Variants in KATNAL2 observed in about 807,000 individuals in gnomAD.
The protein encoded by KATNAL2 is katanin catalytic subunit A1 like 2.
KATNAL2 carries 52 observed loss-of-function variants against 76.3 expected under a neutral mutation model. The observed-to-expected ratio is 0.68, with a 90% CI of 0.55 to 0.86. The LOEUF is 0.86. Ranked by LOEUF, KATNAL2 falls within the 40% of genes least tolerant of loss-of-function variation. The pLI is 0.00. For synonymous variants in KATNAL2, 243 were observed against 244.2 expected (o/e 1.00, Z 0.05); for missense variants, 660 against 668.9 (o/e 0.99, Z 0.15).
intron 3 of KATNAL2, among the ~76,000 whole-genome samples, chr18:46,961,650 C>T (rs1396437053): frequency 6.6e-6 from 1 of 152,188 alleles, no homozygotes; most frequent in East Asian, 1.9e-4. Context: ...TATGTGCCAA[C>T]GTTGTCACAT....
chr18:47,058,091 A>G (rs1215471530), intron 6 of KATNAL2, 144 bp from the exon 7 acceptor site: 1 of 629,384 alleles, frequency 1.6e-6, no homozygotes, highest in African/African-American at 1.8e-5. Flanking sequence ...TGGGTGGATC[A>G]CATAGGTGGA....
At position 47,045,361 on chromosome 18, in the gene KATNAL2, TG is replaced by T. The variant is rs551620513; in HGVS notation, c.52-1095del. On this transcript the variant is annotated intron_variant, in intron 3 of 17. Transcript: ENST00000683218. ...TTTTTTTTGAGACAGAGTCTTACTC[TG>T]TCACCCAGCTTGGAGTGCAGTGGCA... Among the ~76,000 whole-genome samples the T allele has an allele frequency of 1.0e-3, 157 of 151,264 alleles. 2 individuals carry two copies. Among genetic ancestry groups the T allele is most frequent in the African/African-American group, 3.8e-3 (154 of 40,942 alleles).
chr18:46,951,351 C>A (rs2059547324), intron 3 of KATNAL2, among the ~76,000 whole-genome samples: 1 of 151,374 alleles, frequency 6.6e-6, no homozygotes, highest in South Asian at 2.1e-4. Context: ...CCTAGACTTT[C>A]CAACAGAACT....
At chr18:47,046,345 T>C in intron 3 of KATNAL2, 112 bp from the exon 4 acceptor site, 1 of 717,226 alleles carries the variant, frequency 1.4e-6, no homozygotes, top group Non-Finnish European at 2.4e-6. Context: ...CTTTCCAGCC[T>C]TTAAGTCATG....
intron 3 of KATNAL2, among the ~76,000 whole-genome samples, chr18:47,043,046 T>G (rs2061016310): frequency 6.6e-6 from 1 of 151,732 alleles, no homozygotes; most frequent in Admixed American, 6.6e-5. Flanking sequence ...GCTAATACGG[T>G]GAAACCCCGT....
intron 3 of KATNAL2, chr18:47,034,380 A>G (rs1458932551): frequency 1.9e-6 from 3 of 1,614,052 alleles, no homozygotes; most frequent in Non-Finnish European, 2.5e-6. Context: ...CCTCCAAGGC[A>G]GGGACACGCT....
chr18:47,084,726 G>C (rs1187927828), intron 15 of KATNAL2, among the ~76,000 whole-genome samples: 1 of 151,722 alleles, frequency 6.6e-6, no homozygotes, highest in Non-Finnish European at 1.5e-5. Flanking sequence ...GCACGTGCTT[G>C]TAGTCCCAGC....
In KATNAL2 at chr18:47,096,367, A is replaced by C. The variant is rs548378460; in HGVS notation, c.1212-2876A>C. ...ATATTTAAAATTTTATTTTTTAAAAAATTTATTTCTGTCACTCAGGCTGGA... is the reference window on the plus strand; with the variant it reads ...ATATTTAAAATTTTATTTTTTAAAACATTTATTTCTGTCACTCAGGCTGGA... On this transcript the variant is annotated intron_variant, in intron 15 of 17. Transcript: ENST00000683218. Among the ~76,000 whole-genome samples, 265 of 152,230 alleles carry C rather than the reference A, an allele frequency of 1.7e-3. 1 individual carries two copies. Among genetic ancestry groups the C allele is most frequent in the African/African-American group, 6.2e-3 (258 of 41,526 alleles).
rs371863179 is a variant in KATNAL2 at position 46,917,625 on chromosome 18, C to T, written c.-811C>T. The T allele has an allele frequency of 4.1e-4, 370 of 911,522 alleles. 10 individuals carry two copies. In the East Asian group the frequency reaches 0.033, roughly 81 times the overall value. The allele number at this position is 911,522 out of a possible 1,614,324, so 56.5% of individuals were successfully genotyped here. A position where few individuals can be genotyped will look rare whatever the true frequency, so the allele number is the denominator to read the frequency against. On this transcript the variant is annotated 5_prime_UTR_variant, in exon 1 of 18. Transcript: ENST00000683218. The stretch of plus-strand genomic sequence containing the variant: ...TCAGTCCGCGCGGCGACAGCGCCCG[C>T]CCGCGCCTGCCCCGGCGTGCTGCCC...
At chr18:47,037,810 C>T (rs998819) in intron 3 of KATNAL2, among the ~76,000 whole-genome samples, 72,514 of 151,744 alleles carry the variant, frequency 0.48, 17,535 homozygotes, top group East Asian at 0.65. Context: ...CTGGTCACCA[C>T]AAGTAAAAGC....
chr18:46,952,264 G>A (rs1459897872), intron 3 of KATNAL2, among the ~76,000 whole-genome samples: 2 of 151,960 alleles, frequency 1.3e-5, no homozygotes, highest in Admixed American at 1.3e-4. Context: ...TGTAGAGACA[G>A]GGATCTCACT....
chr18:46,933,839 T>C (rs1236523689), intron 1 of KATNAL2, among the ~76,000 whole-genome samples: 2 of 138,354 alleles, frequency 1.4e-5, no homozygotes, highest in East Asian at 4.6e-4. Flanking sequence ...GATGTTCCCC[T>C]TCCTGTGTCC....
In KATNAL2 at chr18:46,946,365, A is replaced by G; in HGVS notation, c.-201A>G. 1 of 1,027,234 alleles carries G rather than the reference A, an allele frequency of 9.7e-7. No individual in the cohort carries two copies. Among genetic ancestry groups the G allele is most frequent in the East Asian group, 9.8e-5 (1 of 10,256 alleles). The allele number at this position is 1,027,234 out of a possible 1,614,324, so 63.6% of individuals were successfully genotyped here. A position where few individuals can be genotyped will look rare whatever the true frequency, so the allele number is the denominator to read the frequency against. ...GGCTCTTGACAACCAAAGTGTCCAC[A>G]GCAGATTCGTCCAGTCTAGATAGAC... On this transcript the variant is annotated 5_prime_UTR_variant, in exon 2 of 18. Coordinates refer to ENST00000683218, the MANE Select transcript of KATNAL2 (RefSeq NM_001387690.1).
intron 1 of KATNAL2, chr18:46,919,987 T>C: frequency 9.7e-7 from 1 of 1,031,402 alleles, no homozygotes; most frequent in African/African-American, 1.6e-5. Flanking sequence ...CAGAGGAGCT[T>C]ACACCCATAA....
intron 3 of KATNAL2, among the ~76,000 whole-genome samples, chr18:46,956,046 T>A (rs935083675): frequency 1.3e-5 from 2 of 152,354 alleles, no homozygotes; most frequent in Admixed American, 1.3e-4. Context: ...TAACATATGA[T>A]TCATATCTAA....
At chr18:46,937,880 G>A (rs2059138496) in intron 1 of KATNAL2, among the ~76,000 whole-genome samples, 1 of 152,168 alleles carries the variant, frequency 6.6e-6, no homozygotes. Flanking sequence ...GAGGCAGGAG[G>A]ATCACTTGAG....
intron 10 of KATNAL2, among the ~76,000 whole-genome samples, chr18:47,066,201 C>T (rs1478617174): frequency 1.3e-5 from 2 of 151,796 alleles, no homozygotes; most frequent in Admixed American, 6.6e-5. Flanking sequence ...CTCAGAATGA[C>T]TTTGGAAAGA....
At chr18:47,033,403 A>C (rs1321054119) in intron 3 of KATNAL2, 1 of 1,613,582 alleles carries the variant, frequency 6.2e-7, no homozygotes, top group African/African-American at 1.3e-5. Context: ...CGTTGTCATT[A>C]CTCTCAGCCG....
chr18:47,085,945 C>A (rs1376901760), intron 15 of KATNAL2, among the ~76,000 whole-genome samples: 1 of 151,874 alleles, frequency 6.6e-6, no homozygotes, highest in African/African-American at 2.4e-5. Context: ...GTTAAAAAAT[C>A]AGCCAGGCGT....
Sources: allele counts gnomAD v4.1 joint callset (sites outside exome capture counted in the v4.1 genomes callset), GRCh38; gene constraint gnomAD v4.1.1; transcripts MANE v1.5; gene names NCBI Gene and HGNC (gene_info 2026-07-23, HGNC 2026-07-21).